Variants in XRCC4 observed in about 807,000 individuals in gnomAD.
XRCC4 encodes DNA repair protein XRCC4.
In XRCC4, 28 loss-of-function variants were observed where a neutral mutation model predicts 39.1. That is an observed-to-expected ratio of 0.72 (90% CI 0.53 to 0.98). The LOEUF is 0.98. XRCC4 is among the 50% of genes least tolerant of loss of function. The pLI, the probability that XRCC4 is intolerant of heterozygous loss-of-function variation, is 0.00. For synonymous variants in XRCC4, 123 were observed against 126.4 expected (o/e 0.97, Z 0.18); for missense variants, 350 against 376.4 (o/e 0.93, Z 0.58).
chr5:83,329,703 A>G (rs1472649096), intron 7 of XRCC4, among the ~76,000 whole-genome samples: 1 of 152,136 alleles, frequency 6.6e-6, no homozygotes, highest in Admixed American at 6.6e-5. Context: ...AGTCCTACCA[A>G]AGGTGCACAA....
At chr5:83,255,850 T>C (rs2112888297) in intron 6 of XRCC4, among the ~76,000 whole-genome samples, 1 of 152,290 alleles carries the variant, frequency 6.6e-6, no homozygotes, top group East Asian at 1.9e-4. Context: ...ACCACAGTTG[T>C]TCAGGGTTCA....
At chr5:83,100,355 G>A (rs1458799620) in intron 1 of XRCC4, among the ~76,000 whole-genome samples, 1 of 152,086 alleles carries the variant, frequency 6.6e-6, no homozygotes, top group East Asian at 1.9e-4. Flanking sequence ...ATCCCCAGAT[G>A]TCTTTTTAAC....
At chr5:83,153,185 C>T (rs890976638) in intron 3 of XRCC4, among the ~76,000 whole-genome samples, 7 of 151,252 alleles carry the variant, frequency 4.6e-5, no homozygotes, top group Non-Finnish European at 1.0e-4. Flanking sequence ...GCTGTCCAAG[C>T]TGTTTCATGT....
intron 1 of XRCC4, among the ~76,000 whole-genome samples, chr5:83,082,254 T>TTG (rs1002884080): frequency 6.6e-5 from 10 of 152,150 alleles, no homozygotes; most frequent in African/African-American, 1.9e-4. Context: ...AAATAAAAAA[T>TTG]TGTGTATTTA....
At chr5:83,342,093 T>A (rs764458395) in intron 7 of XRCC4, among the ~76,000 whole-genome samples, 58 of 152,246 alleles carry the variant, frequency 3.8e-4, no homozygotes, top group Non-Finnish European at 7.5e-4. Context: ...CTATGTGACT[T>A]CAAAACTTGG....
intron 7 of XRCC4, among the ~76,000 whole-genome samples, chr5:83,322,230 A>T (rs1756099416): frequency 6.6e-6 from 1 of 152,036 alleles, no homozygotes; most frequent in Non-Finnish European, 1.5e-5. Flanking sequence ...AAATTTATTT[A>T]CTATGTATGC....
At chr5:83,355,984 C>G (rs1461103381), downstream of XRCC4, among the ~76,000 whole-genome samples, 1 of 152,020 alleles carries the variant, frequency 6.6e-6, no homozygotes, top group African/African-American at 2.4e-5. Flanking sequence ...CACACATACA[C>G]TATTAATCAG....
intron 6 of XRCC4, among the ~76,000 whole-genome samples, chr5:83,258,201 G>T (rs1223102716): frequency 6.6e-6 from 1 of 151,664 alleles, no homozygotes; most frequent in Non-Finnish European, 1.5e-5. Context: ...AAAAAACTAT[G>T]CAGTTTTGTT....
intron 7 of XRCC4, among the ~76,000 whole-genome samples, chr5:83,339,732 G>C (rs997346506): frequency 1.3e-5 from 2 of 152,154 alleles, no homozygotes; most frequent in African/African-American, 4.8e-5. Flanking sequence ...GGCCTTCTAA[G>C]CTTGTGGCCC....
chr5:83,112,836 G>T (rs1035815292), intron 3 of XRCC4, among the ~76,000 whole-genome samples: 13 of 152,122 alleles, frequency 8.5e-5, no homozygotes, highest in African/African-American at 3.1e-4. Flanking sequence ...TCAGGATTCA[G>T]TTACCTCCCG....
At chr5:83,125,856 TC>T (rs761155965) in intron 3 of XRCC4, among the ~76,000 whole-genome samples, 76 of 152,102 alleles carry the variant, frequency 5.0e-4, no homozygotes, top group Non-Finnish European at 8.8e-4. Flanking sequence ...GGTGGCGCAT[TC>T]CTGTAATCCG....
intron 7 of XRCC4, among the ~76,000 whole-genome samples, chr5:83,352,686 C>T (rs1317312021): frequency 6.6e-6 from 1 of 152,170 alleles, no homozygotes; most frequent in Non-Finnish European, 1.5e-5. Context: ...TCATCAGACC[C>T]ACTAAAGGTA....
At chr5:83,258,378 G>C in intron 6 of XRCC4, 152 bp from the exon 7 acceptor site, 1 of 860,498 alleles carries the variant, frequency 1.2e-6, no homozygotes, top group Non-Finnish European at 1.8e-6. Flanking sequence ...GCATCTAACT[G>C]ACTTGATTCA....
At chr5:83,112,846 G>A (rs549646532) in intron 3 of XRCC4, among the ~76,000 whole-genome samples, 5 of 152,224 alleles carry the variant, frequency 3.3e-5, no homozygotes, top group Admixed American at 1.3e-4. Flanking sequence ...GTTACCTCCC[G>A]CTGGGTCCCT....
At chr5:83,213,335 A>G (rs985209490) in intron 6 of XRCC4, among the ~76,000 whole-genome samples, 3 of 152,276 alleles carry the variant, frequency 2.0e-5, no homozygotes, top group South Asian at 2.1e-4. Context: ...GTGGATTAAT[A>G]GAAAATATAA....
At chr5:83,126,624 TCTC>T (rs566082461) in intron 3 of XRCC4, among the ~76,000 whole-genome samples, 218 of 152,238 alleles carry the variant, frequency 1.4e-3, no homozygotes, top group African/African-American at 5.1e-3. Context: ...AGAGCCCCCT[TCTC>T]CACTACTGCA....
intron 6 of XRCC4, among the ~76,000 whole-genome samples, chr5:83,212,615 A>G (rs1450193671): frequency 6.6e-6 from 1 of 152,180 alleles, no homozygotes. Flanking sequence ...GCAACTCAGT[A>G]AACTTTAAGT....
chr5:83,316,591 CA>C (rs1374637355), intron 7 of XRCC4, among the ~76,000 whole-genome samples: 1 of 149,158 alleles, frequency 6.7e-6, no homozygotes, highest in Non-Finnish European at 1.5e-5. Flanking sequence ...CAACAAAGAT[CA>C]AAAGAGACAA....
At chr5:83,351,371 C>A (rs1362002529) in intron 7 of XRCC4, among the ~76,000 whole-genome samples, 1 of 152,114 alleles carries the variant, frequency 6.6e-6, no homozygotes, top group Non-Finnish European at 1.5e-5. Context: ...TTTCCATGCA[C>A]CATTTATTGT....
Sources: allele counts gnomAD v4.1 joint callset (sites outside exome capture counted in the v4.1 genomes callset), GRCh38; gene constraint gnomAD v4.1.1; transcripts MANE v1.5; gene names NCBI Gene and HGNC (gene_info 2026-07-23, HGNC 2026-07-21).